The following HECW1 variants were observed in gnomAD, a reference collection of about 807,000 sequenced individuals.
HECW1 encodes E3 ubiquitin-protein ligase HECW1.
In HECW1, 61 loss-of-function variants were observed where a neutral mutation model predicts 182.3. The ratio of observed to expected loss-of-function variants is 0.33; its 90% CI spans 0.27 to 0.41. HECW1 has a LOEUF of 0.41. Ranked by LOEUF, HECW1 falls within the 10% of genes least tolerant of loss-of-function variation. The pLI is 1.00. For synonymous variants in HECW1, 859 were observed against 832.6 expected, an observed-to-expected ratio of 1.03 and a Z score of -0.55; for missense variants, 1,739 against 2,108.9, an observed-to-expected ratio of 0.82 and a Z score of 3.44.
chr7:43,437,476 A>G (rs939654543), intron 8 of HECW1, among the ~76,000 whole-genome samples: 3 of 152,230 alleles, frequency 2.0e-5, no homozygotes, highest in Non-Finnish European at 2.9e-5. Flanking sequence ...AGGAATTTGC[A>G]GTTTAAATGC....
intron 2 of HECW1, among the ~76,000 whole-genome samples, chr7:43,175,849 G>A (rs1306043535): frequency 2.0e-5 from 3 of 151,956 alleles, no homozygotes; most frequent in East Asian, 1.9e-4. Context: ...TCTCACAGGC[G>A]CACCTCATTT....
At chr7:43,372,260 T>C (rs1307945454) in intron 6 of HECW1, among the ~76,000 whole-genome samples, 1 of 152,182 alleles carries the variant, frequency 6.6e-6, no homozygotes, top group Non-Finnish European at 1.5e-5. Flanking sequence ...GTGACTACCT[T>C]TGAGGATTAT....
At chr7:43,230,703 C>T (rs1797802943) in intron 2 of HECW1, among the ~76,000 whole-genome samples, 1 of 152,040 alleles carries the variant, frequency 6.6e-6, no homozygotes, top group Non-Finnish European at 1.5e-5. Context: ...AAAAACATGA[C>T]ACATATGTAT....
At chr7:43,304,329 C>G (rs946461167) in intron 3 of HECW1, among the ~76,000 whole-genome samples, 2 of 152,110 alleles carry the variant, frequency 1.3e-5, no homozygotes, top group Non-Finnish European at 2.9e-5. Flanking sequence ...GAACCAGGAA[C>G]TCAATTCGAG....
intron 5 of HECW1, among the ~76,000 whole-genome samples, chr7:43,357,059 A>G (rs1421533056): frequency 6.6e-6 from 1 of 152,174 alleles, no homozygotes; most frequent in Non-Finnish European, 1.5e-5. Context: ...CACCCCAATT[A>G]AAACAGGACA....
At chr7:43,263,956 CAAAT>C (rs939014477) in intron 3 of HECW1, among the ~76,000 whole-genome samples, 4 of 152,116 alleles carry the variant, frequency 2.6e-5, no homozygotes, top group Admixed American at 2.0e-4. Flanking sequence ...TTTTACTTGA[CAAAT>C]AATAACTGTG....
At chr7:43,126,934 T>C (rs1369169408) in intron 2 of HECW1, among the ~76,000 whole-genome samples, 2 of 152,160 alleles carry the variant, frequency 1.3e-5, no homozygotes, top group African/African-American at 4.8e-5. Context: ...CATGCCCTCA[T>C]CCTTCTTCCT....
chr7:43,254,359 C>T (rs1800344724), intron 3 of HECW1, among the ~76,000 whole-genome samples: 1 of 152,002 alleles, frequency 6.6e-6, no homozygotes, highest in African/African-American at 2.4e-5. Flanking sequence ...TGGCATGGCC[C>T]AGTAACTCTA....
At chr7:43,273,209 A>G (rs1301466802) in intron 3 of HECW1, among the ~76,000 whole-genome samples, 1 of 152,148 alleles carries the variant, frequency 6.6e-6, no homozygotes, top group Non-Finnish European at 1.5e-5. Context: ...TGAAAAACTA[A>G]TTGCTGGGTA....
At chr7:43,508,760 T>G in intron 23 of HECW1, 1 of 567,572 alleles carries the variant, frequency 1.8e-6, no homozygotes, top group Admixed American at 3.1e-5. Flanking sequence ...CATGGACATC[T>G]GGTTAAGAAA....
At chr7:43,119,872 T>G (rs1330903482) in intron 2 of HECW1, among the ~76,000 whole-genome samples, 1 of 152,186 alleles carries the variant, frequency 6.6e-6, no homozygotes, top group African/African-American at 2.4e-5. Flanking sequence ...CATCCCCGTC[T>G]AAGCGCTAGT....
chr7:43,188,484 AATCACTAACCTAGGGCTGTACC>A (rs1793614693), intron 2 of HECW1, among the ~76,000 whole-genome samples: 1 of 152,302 alleles, frequency 6.6e-6, no homozygotes, highest in South Asian at 2.1e-4. Flanking sequence ...GCTTGAGTTT[AATCACTAACCTAGGGCTGTACC>A]CTCTAAGTGA....
At position 43,479,676 on chromosome 7, in the gene HECW1, G is replaced by A. The variant is rs1031113542; in HGVS notation, c.3166G>A (p.Gly1056Ser). ...TGACCCCCGAATCCCTCTTCAGAAC[G>A]GTCGTCTTCCCAATCATCTAACTCA... The part of the protein sequence containing the change: ...FIDPRIPLQN[G>S]RLPNHLTHRQ... The change falls in exon 17 of 30, where the codon GGT becomes AGT. Residue 1056 changes from glycine to serine, a missense_variant. Gly to Ser is a moderately conservative substitution (Grantham distance 56, BLOSUM62 0). Around this residue, in one of 5 missense-constraint regions of HECW1, gnomAD observed 971 missense variants for 1,029.1 expected, o/e 0.94. Transcript: ENST00000395891. The A allele has an allele frequency of 8.7e-6, 14 of 1,613,838 alleles. No homozygotes were observed. The highest frequency in any genetic ancestry group is 1.6e-4 in the Middle Eastern group (1 of 6,084).
intron 5 of HECW1, among the ~76,000 whole-genome samples, chr7:43,355,435 T>C (rs558966564): frequency 1.1e-4 from 17 of 152,240 alleles, no homozygotes; most frequent in African/African-American, 3.1e-4. Context: ...AAAATCCAAA[T>C]GTTGGGAGGA....
At chr7:43,311,695 T>G (rs1554351620) in intron 3 of HECW1, 68 bp from the exon 4 acceptor site, 11 of 1,449,016 alleles carry the variant, frequency 7.6e-6, no homozygotes, top group Non-Finnish European at 1.1e-5. Flanking sequence ...TCTTTCGTTT[T>G]CGTGTGATGA....
intron 2 of HECW1, among the ~76,000 whole-genome samples, chr7:43,217,721 A>G (rs947289023): frequency 6.6e-6 from 1 of 152,158 alleles, no homozygotes; most frequent in African/African-American, 2.4e-5. Flanking sequence ...ACTGTATCCT[A>G]TTTCTTGGCC....
Position 43,564,569 on chromosome 7 carries a change from A to G in HECW1, c.*2643A>G, listed in dbSNP as rs141484237. The G allele has an allele frequency of 2.1e-5, 4 of 186,110 alleles. No homozygotes were observed. The highest frequency in any genetic ancestry group is 9.3e-5 in the African/African-American group (4 of 42,874). 11.5% of individuals were successfully genotyped at this position (186,110 alleles called of 1,614,324 possible). On this transcript the variant is annotated 3_prime_UTR_variant, in exon 30 of 30. Transcript: ENST00000395891. The stretch of plus-strand genomic sequence containing the variant: ...AGCATAACAGGAACATTCTTTCACA[A>G]AAGTGCAAAATTTCATGAAGAAATG...
chr7:43,154,941 C>T (rs1333722160), intron 2 of HECW1, among the ~76,000 whole-genome samples: 1 of 152,168 alleles, frequency 6.6e-6, no homozygotes, highest in Non-Finnish European at 1.5e-5. Context: ...ACTGAGACTG[C>T]TTCATCTACC....
At chr7:43,501,958 CCTGTT>C (rs2079379058) in intron 21 of HECW1, among the ~76,000 whole-genome samples, 1 of 152,148 alleles carries the variant, frequency 6.6e-6, no homozygotes, top group African/African-American at 2.4e-5. Flanking sequence ...CTCAGCCATG[CCTGTT>C]CTATGCTAGC....
Sources: gnomAD v4.1 joint callset for allele counts (sites outside exome capture counted in the v4.1 genomes callset) on GRCh38, gnomAD v4.1.1 for gene constraint, gnomAD v4.1.1 regional missense constraint, MANE v1.5 for transcripts, NCBI Gene and HGNC (gene_info 2026-07-23, HGNC 2026-07-21) for gene names.